The following SCPPPQ1 variants were observed in gnomAD, a reference collection of about 807,000 sequenced individuals.
The protein encoded by SCPPPQ1 is secretory calcium-binding phosphoprotein proline-glutamine rich 1.
At chr4:87,462,177 A>T in the SCPPPQ1 span, 1 of 152,212 alleles carries the variant, frequency 6.6e-6, no homozygotes, top group Non-Finnish European at 1.5e-5. Flanking sequence ...TTAAATGCTG[A>T]TAAATTGAAT....
chr4:87,468,307 T>G, the SCPPPQ1 span, among the ~76,000 whole-genome samples: 1 of 152,260 alleles, frequency 6.6e-6, no homozygotes, highest in African/African-American at 2.4e-5. Context: ...ATATTTCCTT[T>G]TGTAAATCTT....
the SCPPPQ1 span, among the ~76,000 whole-genome samples, chr4:87,464,977 A>C: frequency 6.6e-6 from 1 of 152,206 alleles, no homozygotes; most frequent in Admixed American, 6.5e-5. Flanking sequence ...TCAAAAGTAA[A>C]ATTTAAGCAA....
the SCPPPQ1 span, among the ~76,000 whole-genome samples, chr4:87,465,559 C>CAAAAAAAAAAAAAA: frequency 4.1e-5 from 4 of 98,306 alleles, no homozygotes; most frequent in Non-Finnish European, 7.9e-5. Context: ...TAGAAATCTA[C>CAAAAAAAAAAAAAA]AAAAAAAAAA....
chr4:87,469,303 T>TA, the SCPPPQ1 span, among the ~76,000 whole-genome samples: 1 of 152,126 alleles, frequency 6.6e-6, no homozygotes, highest in African/African-American at 2.4e-5. Flanking sequence ...TTAGATGCAT[T>TA]AAAAAAATCA....
At chr4:87,465,695 T>G in the SCPPPQ1 span, among the ~76,000 whole-genome samples, 1 of 152,146 alleles carries the variant, frequency 6.6e-6, no homozygotes, top group African/African-American at 2.4e-5. Context: ...CAATATTTAC[T>G]GAGCAATTAT....
chr4:87,465,592 A>G, the SCPPPQ1 span, among the ~76,000 whole-genome samples: 3 of 149,372 alleles, frequency 2.0e-5, no homozygotes, highest in Non-Finnish European at 4.4e-5. Flanking sequence ...AAAAAAAGTA[A>G]ATTGTGAATG....
chr4:87,467,815 C>T, the SCPPPQ1 span, among the ~76,000 whole-genome samples: 6 of 152,076 alleles, frequency 3.9e-5, no homozygotes, highest in African/African-American at 9.7e-5. Flanking sequence ...TTACCAGGGG[C>T]GGTTGCGGAG....
the SCPPPQ1 span, among the ~76,000 whole-genome samples, chr4:87,463,976 CT>C: frequency 6.6e-6 from 1 of 152,298 alleles, no homozygotes; most frequent in South Asian, 2.1e-4. Context: ...GTTGAGCTGT[CT>C]GTCTTAGAGT....
At chr4:87,461,852 T>A in the SCPPPQ1 span, 1 of 152,344 alleles carries the variant, frequency 6.6e-6, no homozygotes, top group Middle Eastern at 3.4e-3. Flanking sequence ...TGTTTACACC[T>A]ATTTTCATCA....
At chr4:87,470,686 C>T in the SCPPPQ1 span, among the ~76,000 whole-genome samples, 2 of 152,236 alleles carry the variant, frequency 1.3e-5, no homozygotes, top group Admixed American at 1.3e-4. Flanking sequence ...AGAAAAACAA[C>T]TTTATCATGT....
the SCPPPQ1 span, among the ~76,000 whole-genome samples, chr4:87,464,198 G>C: frequency 1.2e-3 from 189 of 152,264 alleles, no homozygotes; most frequent in African/African-American, 4.2e-3. Context: ...CATTAGGTGT[G>C]AGGACCTAGA....
At chr4:87,470,825 T>G in the SCPPPQ1 span, among the ~76,000 whole-genome samples, 3 of 152,184 alleles carry the variant, frequency 2.0e-5, no homozygotes, top group Non-Finnish European at 2.9e-5. Flanking sequence ...TTAGGCAACT[T>G]ATTTCCCTTT....
the SCPPPQ1 span, among the ~76,000 whole-genome samples, chr4:87,469,377 T>G: frequency 6.6e-6 from 1 of 152,154 alleles, no homozygotes; most frequent in African/African-American, 2.4e-5. Flanking sequence ...ATGGGTTAGT[T>G]CAAAGTCACA....
the SCPPPQ1 span, among the ~76,000 whole-genome samples, chr4:87,469,658 C>T: frequency 6.7e-3 from 1,019 of 152,144 alleles, 10 homozygotes; most frequent in African/African-American, 0.023. Context: ...TTCTAAAGGT[C>T]GAGCCTGGAA....
chr4:87,467,806 T>C, the SCPPPQ1 span, among the ~76,000 whole-genome samples: 610 of 152,310 alleles, frequency 4.0e-3, 10 homozygotes, highest in African/African-American at 0.013. Flanking sequence ...AACCCATGCT[T>C]ACCAGGGGCG....
At chr4:87,468,019 A>G in the SCPPPQ1 span, among the ~76,000 whole-genome samples, 1 of 152,224 alleles carries the variant, frequency 6.6e-6, no homozygotes, top group Admixed American at 6.5e-5. Context: ...GAGCTTGCAA[A>G]ACAATAACAG....
At chr4:87,470,558 A>T in the SCPPPQ1 span, among the ~76,000 whole-genome samples, 2 of 152,058 alleles carry the variant, frequency 1.3e-5, no homozygotes, top group South Asian at 2.1e-4. Flanking sequence ...CTGGCCTTTT[A>T]TTGGTCCATT....
At chr4:87,465,559 CAAAAAAAAAAAAAA>C in the SCPPPQ1 span, among the ~76,000 whole-genome samples, 36,225 of 98,898 alleles carry the variant, frequency 0.37, 6,224 homozygotes, top group Middle Eastern at 0.52. Flanking sequence ...TAGAAATCTA[CAAAAAAAAAAAAAA>C]AAAAAAAAAA....
chr4:87,466,351 CA>C, the SCPPPQ1 span, among the ~76,000 whole-genome samples: 1 of 152,014 alleles, frequency 6.6e-6, no homozygotes, highest in Non-Finnish European at 1.5e-5. Context: ...GCCTGGGCAA[CA>C]GAGAGAGACT....
Sources: allele counts gnomAD v4.1 joint callset (sites outside exome capture counted in the v4.1 genomes callset), GRCh38; gene constraint gnomAD v4.1.1; transcripts MANE v1.5; gene names NCBI Gene and HGNC (gene_info 2026-07-23, HGNC 2026-07-21).